CHLSN: variants seen among roughly 807,000 people sequenced by gnomAD.
The protein encoded by CHLSN is protein cholesin.
At chr7:988,092 G>A in the CHLSN span, among the ~76,000 whole-genome samples, 1 of 151,896 alleles carries the variant, frequency 6.6e-6, no homozygotes, top group African/African-American at 2.4e-5. Context: ...CTATCCTTGG[G>A]GCCCCTGGCT....
At chr7:1,066,496 T>C in the CHLSN span, among the ~76,000 whole-genome samples, 1 of 152,166 alleles carries the variant, frequency 6.6e-6, no homozygotes, top group Non-Finnish European at 1.5e-5. Context: ...TGTCCCAGGA[T>C]CCCGGGCCAT....
At chr7:1,101,227 ATT>A in the CHLSN span, among the ~76,000 whole-genome samples, 35 of 152,352 alleles carry the variant, frequency 2.3e-4, 1 homozygote, top group Middle Eastern at 0.017. Context: ...GATTTCTGCC[ATT>A]GTCTGGTGGG....
At chr7:982,589 G>A in the CHLSN span, among the ~76,000 whole-genome samples, 1 of 152,286 alleles carries the variant, frequency 6.6e-6, no homozygotes, top group African/African-American at 2.4e-5. Flanking sequence ...AAAAGGAGCA[G>A]GCTGCTACCT....
chr7:1,078,582 C>T, the CHLSN span, among the ~76,000 whole-genome samples: 11 of 151,478 alleles, frequency 7.3e-5, no homozygotes, highest in South Asian at 1.0e-3. Context: ...ACGCCCCCCA[C>T]GCCGGTTCAT....
the CHLSN span, among the ~76,000 whole-genome samples, chr7:1,112,705 T>TAAA: frequency 1.0e-5 from 1 of 99,130 alleles, no homozygotes; most frequent in Non-Finnish European, 2.3e-5. Context: ...TCCAAATGGC[T>TAAA]AAAAAAAAAA....
the CHLSN span, chr7:1,059,377 G>C: frequency 6.6e-6 from 1 of 152,596 alleles, no homozygotes; most frequent in African/African-American, 2.4e-5. Flanking sequence ...GGCCAGCTCC[G>C]AAGGCACCTG....
chr7:1,084,222 C>T, the CHLSN span, among the ~76,000 whole-genome samples: 3 of 152,262 alleles, frequency 2.0e-5, no homozygotes, highest in African/African-American at 4.8e-5. Flanking sequence ...CTCCTTAATG[C>T]TCCAGGCCTG....
At chr7:1,052,793 C>T in the CHLSN span, among the ~76,000 whole-genome samples, 1 of 152,024 alleles carries the variant, frequency 6.6e-6, no homozygotes, top group Admixed American at 6.5e-5. The surrounding 1 kb of genome is among the most constrained non-coding windows in gnomAD (Gnocchi z 4.2). Flanking sequence ...GTTCCTCAAG[C>T]CTGGCCCAAG....
chr7:1,090,898 C>T, the CHLSN span, among the ~76,000 whole-genome samples: 5 of 152,218 alleles, frequency 3.3e-5, no homozygotes, highest in Non-Finnish European at 7.3e-5. Flanking sequence ...ACAGAACTAG[C>T]ATGAGGAAAC....
the CHLSN span, among the ~76,000 whole-genome samples, chr7:1,011,387 CCA>C: frequency 4.7e-5 from 7 of 149,622 alleles, no homozygotes; most frequent in African/African-American, 1.5e-4. Context: ...CCACAGACAC[CCA>C]GACACCCACA....
the CHLSN span, among the ~76,000 whole-genome samples, chr7:982,423 G>C: frequency 6.6e-6 from 1 of 152,212 alleles, no homozygotes; most frequent in Non-Finnish European, 1.5e-5. Flanking sequence ...AAGCAGGCCC[G>C]GCCGCTTCTG....
the CHLSN span, among the ~76,000 whole-genome samples, chr7:1,036,663 A>T: frequency 6.6e-6 from 1 of 151,930 alleles, no homozygotes; most frequent in Non-Finnish European, 1.5e-5. Flanking sequence ...TATTACTCTT[A>T]AAAAAAAGTC....
the CHLSN span, among the ~76,000 whole-genome samples, chr7:1,014,814 G>A: frequency 5.3e-4 from 77 of 145,062 alleles, no homozygotes; most frequent in Non-Finnish European, 1.0e-3. Context: ...ATCCGGCCAC[G>A]GCAGCGTTCC....
At chr7:1,085,295 G>A in the CHLSN span, among the ~76,000 whole-genome samples, 4 of 152,134 alleles carry the variant, frequency 2.6e-5, no homozygotes, top group Non-Finnish European at 4.4e-5. Context: ...AATTCATAAC[G>A]ACATCAGATC....
chr7:1,093,627 T>C, the CHLSN span: 1 of 471,082 alleles, frequency 2.1e-6, no homozygotes. Flanking sequence ...CGAGCTGCCG[T>C]GTGGGTTAGT....
At chr7:1,012,168 A>G in the CHLSN span, among the ~76,000 whole-genome samples, 1 of 152,138 alleles carries the variant, frequency 6.6e-6, no homozygotes, top group South Asian at 2.1e-4. Context: ...GGCTGATCAC[A>G]CGGGCCAAAG....
chr7:981,367 G>A, the CHLSN span, among the ~76,000 whole-genome samples: 2 of 151,810 alleles, frequency 1.3e-5, no homozygotes, highest in East Asian at 1.9e-4. Flanking sequence ...TAATCCCAGC[G>A]CTTTTGGAGG....
the CHLSN span, among the ~76,000 whole-genome samples, chr7:993,279 C>T: frequency 1.3e-5 from 2 of 152,206 alleles, no homozygotes; most frequent in Non-Finnish European, 2.9e-5. Flanking sequence ...GCATGGCACA[C>T]GGCGCCCGGC....
the CHLSN span, among the ~76,000 whole-genome samples, chr7:1,008,514 C>G: frequency 5.9e-5 from 9 of 152,304 alleles, 1 homozygote; most frequent in East Asian, 1.7e-3. Context: ...TCCCAGAGAA[C>G]TGACCAGTGC....
Sources: gnomAD v4.1 joint callset for allele counts (sites outside exome capture counted in the v4.1 genomes callset) on GRCh38, gnomAD v4.1.1 for gene constraint, Gnocchi (gnomAD v3.1) non-coding constraint, MANE v1.5 for transcripts, NCBI Gene and HGNC (gene_info 2026-07-23, HGNC 2026-07-21) for gene names.